Variants in REDIC1 observed in about 807,000 individuals in gnomAD.
The protein encoded by REDIC1 is regulator of DNA class I crossover intermediates 1.
chr12:39,875,315 A>G, the REDIC1 span, among the ~76,000 whole-genome samples: 1 of 152,184 alleles, frequency 6.6e-6, no homozygotes, highest in Admixed American at 6.5e-5. Context: ...CAGTCTTCAA[A>G]GCCAACAATG....
At chr12:39,739,732 AC>A in the REDIC1 span, among the ~76,000 whole-genome samples, 1 of 152,048 alleles carries the variant, frequency 6.6e-6, no homozygotes, top group Non-Finnish European at 1.5e-5. Flanking sequence ...ATAATTCTCT[AC>A]CCCTGTCTAT....
chr12:39,828,569 C>T, the REDIC1 span, among the ~76,000 whole-genome samples: 1 of 152,076 alleles, frequency 6.6e-6, no homozygotes, highest in Non-Finnish European at 1.5e-5. Context: ...GTAAGAGAAA[C>T]ATCTAATTTT....
chr12:39,661,811 T>C, the REDIC1 span, among the ~76,000 whole-genome samples: 22 of 152,142 alleles, frequency 1.4e-4, no homozygotes, highest in Non-Finnish European at 4.4e-5. Context: ...CTTTAATATT[T>C]TGAGTTGATT....
the REDIC1 span, among the ~76,000 whole-genome samples, chr12:39,898,546 A>C: frequency 7.2e-5 from 11 of 152,232 alleles, no homozygotes; most frequent in South Asian, 4.1e-4. Flanking sequence ...TCAGCTAAAC[A>C]CCAGGCAAAA....
the REDIC1 span, among the ~76,000 whole-genome samples, chr12:39,747,450 T>C: frequency 2.0e-5 from 3 of 152,208 alleles, no homozygotes; most frequent in Admixed American, 1.3e-4. Flanking sequence ...CTATGTCTGA[T>C]TGGTGTACCT....
the REDIC1 span, among the ~76,000 whole-genome samples, chr12:39,681,526 T>C: frequency 6.6e-6 from 1 of 152,252 alleles, no homozygotes; most frequent in South Asian, 2.1e-4. Flanking sequence ...AAAGTGCATT[T>C]ACCTCTATTT....
At chr12:39,712,245 TAC>T in the REDIC1 span, among the ~76,000 whole-genome samples, 2 of 143,534 alleles carry the variant, frequency 1.4e-5, no homozygotes, top group African/African-American at 5.1e-5. Flanking sequence ...TATGTATATG[TAC>T]ATACATATAT....
the REDIC1 span, among the ~76,000 whole-genome samples, chr12:39,679,214 A>G: frequency 6.6e-6 from 1 of 152,206 alleles, no homozygotes; most frequent in Non-Finnish European, 1.5e-5. Flanking sequence ...AGGAACTCAA[A>G]CTGTTGCTGT....
chr12:39,871,382 G>GA, the REDIC1 span, among the ~76,000 whole-genome samples: 107,320 of 151,776 alleles, frequency 0.71, 38,360 homozygotes, highest in African/African-American at 0.8. Flanking sequence ...AAAGAGCTTT[G>GA]AAAAAATGCT....
the REDIC1 span, among the ~76,000 whole-genome samples, chr12:39,628,789 A>G: frequency 1.3e-5 from 2 of 152,180 alleles, no homozygotes; most frequent in African/African-American, 2.4e-5. Context: ...AGGACTTAAT[A>G]TTGTCACAAG....
the REDIC1 span, among the ~76,000 whole-genome samples, chr12:39,660,087 C>A: frequency 3.3e-5 from 5 of 152,102 alleles, no homozygotes; most frequent in Non-Finnish European, 2.9e-5. Context: ...TCAAAATTTT[C>A]CCCCCTAGTG....
the REDIC1 span, among the ~76,000 whole-genome samples, chr12:39,640,801 C>G: frequency 6.6e-6 from 1 of 151,622 alleles, no homozygotes; most frequent in Non-Finnish European, 1.5e-5. Context: ...ACTATAAATA[C>G]TTTAAGAATA....
the REDIC1 span, among the ~76,000 whole-genome samples, chr12:39,639,268 G>C: frequency 6.6e-6 from 1 of 151,872 alleles, no homozygotes; most frequent in East Asian, 1.9e-4. Flanking sequence ...AGAATATATA[G>C]GGTTCTTTGC....
chr12:39,749,097 C>CA, the REDIC1 span, among the ~76,000 whole-genome samples: 6 of 151,838 alleles, frequency 4.0e-5, no homozygotes, highest in Admixed American at 6.6e-5. Context: ...GATAGAGACA[C>CA]AAAAAACCCT....
At chr12:39,675,227 C>T in the REDIC1 span, among the ~76,000 whole-genome samples, 1 of 152,150 alleles carries the variant, frequency 6.6e-6, no homozygotes, top group Non-Finnish European at 1.5e-5. Flanking sequence ...CTTCATTGGC[C>T]TGAGAACCAC....
chr12:39,819,646 C>A, the REDIC1 span: 1 of 152,160 alleles, frequency 6.6e-6, no homozygotes, highest in African/African-American at 2.4e-5. Flanking sequence ...ACATTCATTT[C>A]TTTAAAATAA....
At chr12:39,642,275 A>G in the REDIC1 span, among the ~76,000 whole-genome samples, 3 of 151,692 alleles carry the variant, frequency 2.0e-5, no homozygotes, top group Admixed American at 6.6e-5. Context: ...CTTCTTCAAC[A>G]TGTTTCCTGG....
chr12:39,868,488 A>C, the REDIC1 span, among the ~76,000 whole-genome samples: 3 of 152,216 alleles, frequency 2.0e-5, no homozygotes, highest in Admixed American at 6.5e-5. Flanking sequence ...AATGTGTCTA[A>C]AGTGCACATA....
the REDIC1 span, chr12:39,650,199 A>G: frequency 6.6e-7 from 1 of 1,510,012 alleles, no homozygotes. The surrounding 1 kb of genome is among the most constrained non-coding windows in gnomAD (Gnocchi z 4.3). Context: ...ATATATGTAC[A>G]TTTACTATTT....
Sources: gnomAD v4.1 joint callset for allele counts (sites outside exome capture counted in the v4.1 genomes callset) on GRCh38, gnomAD v4.1.1 for gene constraint, Gnocchi (gnomAD v3.1) non-coding constraint, MANE v1.5 for transcripts, NCBI Gene and HGNC (gene_info 2026-07-23, HGNC 2026-07-21) for gene names.